PRKCE: variants seen among roughly 807,000 people sequenced by gnomAD.
PRKCE encodes the protein protein kinase C epsilon, also known as protein kinase C epsilon type.
PRKCE carries 16 observed loss-of-function variants against 85.4 expected under a neutral mutation model. The observed-to-expected ratio is 0.19, with a 90% confidence interval of 0.13 to 0.28. The LOEUF (loss-of-function observed/expected upper bound fraction) is 0.28, where lower values mean the gene tolerates loss of function less well. PRKCE is among the 10% of genes least tolerant of loss of function. The pLI is 1.00. For missense variants in PRKCE, 573 were observed against 975.2 expected, an observed-to-expected ratio of 0.59 and a Z score of 5.49; for synonymous variants, 388 against 371.5, an observed-to-expected ratio of 1.04 and a Z score of -0.51.
chr2:45,928,384 C>T (rs1170486412), intron 2 of PRKCE, among the ~76,000 whole-genome samples: 1 of 152,236 alleles, frequency 6.6e-6, no homozygotes. Flanking sequence ...TCTCATGCCT[C>T]AGCTTCCCGA....
intron 6 of PRKCE, among the ~76,000 whole-genome samples, chr2:45,995,894 T>C (rs1188126226): frequency 6.6e-6 from 1 of 152,216 alleles, no homozygotes; most frequent in Non-Finnish European, 1.5e-5. Flanking sequence ...TTTGTCGATA[T>C]CCATAAATAA....
intron 7 of PRKCE, among the ~76,000 whole-genome samples, chr2:46,002,574 G>A (rs907353489): frequency 3.9e-5 from 6 of 152,192 alleles, no homozygotes; most frequent in Non-Finnish European, 7.4e-5. Flanking sequence ...CTCCTACCCT[G>A]TTTTCTCAAT....
At chr2:45,667,707 A>T (rs59213385) in intron 1 of PRKCE, among the ~76,000 whole-genome samples, 7 of 152,102 alleles carry the variant, frequency 4.6e-5, no homozygotes, top group Non-Finnish European at 1.0e-4. Context: ...TTAGGTTTAT[A>T]AAAAAATAGG....
chr2:46,091,338 C>A (rs1339416470), intron 11 of PRKCE, among the ~76,000 whole-genome samples: 2 of 152,242 alleles, frequency 1.3e-5, no homozygotes, highest in Non-Finnish European at 2.9e-5. Context: ...TCCTCCTCAA[C>A]ATGCTGCTCA....
chr2:45,700,902 A>G (rs1262271043), intron 1 of PRKCE, among the ~76,000 whole-genome samples: 1 of 152,182 alleles, frequency 6.6e-6, no homozygotes, highest in Non-Finnish European at 1.5e-5. Flanking sequence ...TGCTCCCGTA[A>G]ACCAAGGAAT....
At chr2:46,182,713 G>A (rs935478156) in intron 14 of PRKCE, among the ~76,000 whole-genome samples, 4 of 152,140 alleles carry the variant, frequency 2.6e-5, no homozygotes, top group African/African-American at 9.7e-5. Flanking sequence ...TTCAACCTGG[G>A]ACGAGTTGAA....
At chr2:45,740,454 C>T (rs887051458) in intron 1 of PRKCE, among the ~76,000 whole-genome samples, 8 of 152,056 alleles carry the variant, frequency 5.3e-5, no homozygotes, top group African/African-American at 1.9e-4. Flanking sequence ...CAGGGTTCAG[C>T]ATTGTTTCTC....
chr2:45,884,659 A>G (rs1381330443), intron 2 of PRKCE, among the ~76,000 whole-genome samples: 1 of 152,180 alleles, frequency 6.6e-6, no homozygotes, highest in Non-Finnish European at 1.5e-5. Context: ...TGACTGAGCC[A>G]GTCAACAATG....
At chr2:45,890,537 A>G (rs1343482591) in intron 2 of PRKCE, among the ~76,000 whole-genome samples, 1 of 151,880 alleles carries the variant, frequency 6.6e-6, no homozygotes, top group African/African-American at 2.4e-5. Flanking sequence ...CCACCACCAC[A>G]CCTGGCTAAT....
chr2:45,708,679 C>T (rs143708284), intron 1 of PRKCE, among the ~76,000 whole-genome samples: 178 of 152,282 alleles, frequency 1.2e-3, no homozygotes, highest in Middle Eastern at 6.8e-3. Flanking sequence ...AGTGTGAAAA[C>T]GGACTAATAC....
intron 14 of PRKCE, among the ~76,000 whole-genome samples, chr2:46,161,894 C>A (rs1438048311): frequency 6.6e-6 from 1 of 152,080 alleles, no homozygotes; most frequent in African/African-American, 2.4e-5. Context: ...TGCAGGCCTT[C>A]TGAGAGGCAT....
intron 1 of PRKCE, among the ~76,000 whole-genome samples, chr2:45,838,081 C>T (rs1278162522): frequency 6.6e-6 from 1 of 152,212 alleles, no homozygotes; most frequent in African/African-American, 2.4e-5. Flanking sequence ...GAGAGGCACT[C>T]TCATTGCTGC....
intron 1 of PRKCE, among the ~76,000 whole-genome samples, chr2:45,744,549 T>TCTTTCTTTCTTCCTTC (rs1553397822): frequency 2.4e-5 from 2 of 84,146 alleles, no homozygotes; most frequent in African/African-American, 9.9e-5. Context: ...TTTCTTTCTT[T>TCTTTCTTTCTTCCTTC]CTTCCTTCCT....
intron 1 of PRKCE, among the ~76,000 whole-genome samples, chr2:45,656,816 C>T (rs192522080): frequency 2.0e-5 from 3 of 152,304 alleles, no homozygotes; most frequent in Admixed American, 6.5e-5. Context: ...AATTGCAGGC[C>T]AGAGAGGGCT....
intron 1 of PRKCE, among the ~76,000 whole-genome samples, chr2:45,659,677 T>A (rs526888): frequency 0.24 from 36,977 of 152,050 alleles, 4,756 homozygotes; most frequent in Non-Finnish European, 0.28. Context: ...CCTGCCTCAG[T>A]CTTTACCCTT....
At chr2:46,091,721 C>T (rs545870168) in intron 11 of PRKCE, among the ~76,000 whole-genome samples, 28 of 152,144 alleles carry the variant, frequency 1.8e-4, no homozygotes, top group Non-Finnish European at 3.2e-4. Context: ...TAAATAAATA[C>T]CACCTGCCAC....
chr2:45,836,007 A>T (rs935534310), intron 1 of PRKCE, among the ~76,000 whole-genome samples: 1 of 152,198 alleles, frequency 6.6e-6, no homozygotes, highest in Non-Finnish European at 1.5e-5. Context: ...GGCTGTTAGG[A>T]ATGAAGCTGC....
intron 2 of PRKCE, among the ~76,000 whole-genome samples, chr2:45,917,610 C>T (rs182481703): frequency 6.6e-6 from 1 of 152,254 alleles, no homozygotes; most frequent in Admixed American, 6.5e-5. Flanking sequence ...TGGCTTCACC[C>T]AGTGGATCCC....
chr2:45,980,200 G>A, intron 4 of PRKCE, 96 bp from the exon 5 acceptor site: 1 of 1,152,976 alleles, frequency 8.7e-7, no homozygotes, highest in Non-Finnish European at 1.3e-6. Context: ...AAGGGGCCTG[G>A]CTCCCCTTGT....
Sources: allele counts gnomAD v4.1 joint callset (sites outside exome capture counted in the v4.1 genomes callset), GRCh38; gene constraint gnomAD v4.1.1; transcripts MANE v1.5; gene names NCBI Gene and HGNC (gene_info 2026-07-23, HGNC 2026-07-21).